The following PCDHGB3 variants were observed in gnomAD, a reference collection of about 807,000 sequenced individuals.
PCDHGB3 encodes the protein protocadherin gamma-B3.
A neutral mutation model predicts 59.2 loss-of-function variants in PCDHGB3; 40 were observed. The ratio of observed to expected loss-of-function variants is 0.68; its 90% CI spans 0.52 to 0.88. The LOEUF is 0.88. Ranked by LOEUF, PCDHGB3 falls within the 40% of genes least tolerant of loss-of-function variation. PCDHGB3 has a pLI of 0.00. For synonymous variants in PCDHGB3, 581 were observed against 503.6 expected, an observed-to-expected ratio of 1.15 and a Z score of -2.06; for missense variants, 1,309 against 1,187.9, an observed-to-expected ratio of 1.10 and a Z score of -1.50.
Position 141,486,288 on chromosome 5 carries a change from T to C in PCDHGB3, c.2416-8519T>C. 5 of 1,613,996 alleles carry C rather than the reference T, an allele frequency of 3.1e-6. No individual in the cohort carries two copies. The highest frequency in any genetic ancestry group is 4.2e-6 in the Non-Finnish European group (5 of 1,179,986). ...GAACCTGGCACTGTGGTGGCACTTA[T>C]CAGTGTGCAGGATCCAGACTCAGGG... On this transcript the variant is annotated intron_variant, in intron 1 of 3. Coordinates refer to ENST00000576222, the MANE Select transcript of PCDHGB3 (RefSeq NM_018924.5). The surrounding 1 kb of genome is among the most constrained non-coding windows in gnomAD (Gnocchi z 5.0).
At chr5:141,388,464 A>G (rs750047903) in intron 1 of PCDHGB3, 2 of 1,613,850 alleles carry the variant, frequency 1.2e-6, no homozygotes, top group South Asian at 2.2e-5. Flanking sequence ...ATACCCTGAG[A>G]TGGTATTGAA....
rs372994272 is a variant in PCDHGB3, at chr5:141,485,358, G to C, written c.2416-9449G>C. On this transcript the variant is annotated intron_variant, in intron 1 of 3. Coordinates refer to ENST00000576222, the MANE Select transcript of PCDHGB3 (RefSeq NM_018924.5). This position sits in a 1 kb window ranked among gnomAD's most constrained non-coding sequence, Gnocchi z 5.7. ...CTGGATACGGACAGTCTGTCAGCTC[G>C]CAGGCTGCAGGTCGCTGGAGAGGTG... is the stretch of plus-strand genomic sequence containing the variant. 3.1e-6 allele frequency: 5 copies of C among 1,613,982 alleles called. No homozygotes were observed. Among genetic ancestry groups the C allele is most frequent in the Non-Finnish European group, 4.2e-6 (5 of 1,180,014 alleles).
chr5:141,496,523 G>T (rs1159517569), intron 2 of PCDHGB3, among the ~76,000 whole-genome samples: 1 of 152,128 alleles, frequency 6.6e-6, no homozygotes, highest in Non-Finnish European at 1.5e-5. Context: ...GGAGCCCTTG[G>T]TGTATGGCAG....
chr5:141,446,482 CTT>C (rs112180482), intron 1 of PCDHGB3, among the ~76,000 whole-genome samples: 6 of 147,048 alleles, frequency 4.1e-5, no homozygotes, highest in East Asian at 4.0e-4. Context: ...GGTCATCATT[CTT>C]TTTTTTTTTT....
intron 1 of PCDHGB3, chr5:141,375,727 G>T (rs1771811677): frequency 6.2e-7 from 1 of 1,614,262 alleles, no homozygotes; most frequent in East Asian, 2.2e-5. Flanking sequence ...ACGTGTCACT[G>T]AGCCTGTTTG....
At chr5:141,388,923 T>G (rs374663443) in intron 1 of PCDHGB3, 2 of 1,614,002 alleles carry the variant, frequency 1.2e-6, no homozygotes, top group Admixed American at 1.7e-5. Context: ...AGAAGTGATA[T>G]TCCAGTCTCT....
At chr5:141,399,557 TG>T in intron 1 of PCDHGB3, 1 of 1,613,968 alleles carries the variant, frequency 6.2e-7, no homozygotes, top group Non-Finnish European at 8.5e-7. Context: ...GACCTGGACT[TG>T]GGGTTGAACG....
chr5:141,482,530 CA>C (rs3074545), intron 1 of PCDHGB3, among the ~76,000 whole-genome samples: 1,133 of 76,538 alleles, frequency 0.015, 6 homozygotes, highest in Admixed American at 0.025. Flanking sequence ...GACAGACATG[CA>C]AAAAAAAAAA....
chr5:141,448,955 A>G (rs929888928), intron 1 of PCDHGB3, among the ~76,000 whole-genome samples: 1 of 152,174 alleles, frequency 6.6e-6, no homozygotes. Flanking sequence ...AAAAAAACAA[A>G]CAAACAAACA....
intron 1 of PCDHGB3, chr5:141,374,714 G>C (rs1236113306): frequency 1.2e-6 from 2 of 1,609,850 alleles, no homozygotes; most frequent in South Asian, 2.2e-5. Flanking sequence ...TTACCGCCTG[G>C]TCCTTACTGC....
intron 1 of PCDHGB3, chr5:141,410,037 G>A: frequency 1.2e-6 from 2 of 1,613,250 alleles, no homozygotes; most frequent in Non-Finnish European, 1.7e-6. Flanking sequence ...CTGCAGGCCA[G>A]TGAGCCCGGA....
chr5:141,490,412 C>T lies in PCDHGB3; in HGVS notation c.2416-4395C>T, dbSNP rs2233605. 10 of 1,614,062 alleles carry T rather than the reference C, an allele frequency of 6.2e-6. No homozygotes were observed. The highest frequency in any genetic ancestry group is 4.0e-5 in the African/African-American group (3 of 74,910). Reference sequence around the variant, plus strand: ...GGTGAAGTGAGCCTTGATATCTCTCCGGACCTGCCATTTCAGATTAAGCCT... The same window carrying T: ...GGTGAAGTGAGCCTTGATATCTCTCTGGACCTGCCATTTCAGATTAAGCCT... On this transcript the variant is annotated intron_variant, in intron 1 of 3. Transcript: ENST00000576222. This position sits in a 1 kb window ranked among gnomAD's most constrained non-coding sequence, Gnocchi z 5.4.
intron 1 of PCDHGB3, among the ~76,000 whole-genome samples, chr5:141,445,132 G>T (rs921068835): frequency 2.6e-5 from 4 of 152,026 alleles, no homozygotes; most frequent in Non-Finnish European, 5.9e-5. Flanking sequence ...TTTTAAAATT[G>T]TATCTTCTAA....
intron 2 of PCDHGB3, among the ~76,000 whole-genome samples, chr5:141,502,139 C>T (rs923501238): frequency 6.6e-6 from 1 of 152,104 alleles, no homozygotes; most frequent in African/African-American, 2.4e-5. Flanking sequence ...TCAGTCGGGC[C>T]GGAAGTAAGG....
chr5:141,489,896 C>T lies in PCDHGB3; in HGVS notation c.2416-4911C>T, dbSNP rs765318875. 3 of 1,614,180 alleles carry T rather than the reference C, an allele frequency of 1.9e-6. No homozygotes were observed. The highest frequency in any genetic ancestry group is 1.3e-5 in the African/African-American group (1 of 75,066). On this transcript the variant is annotated intron_variant, in intron 1 of 3. Coordinates refer to ENST00000576222, the MANE Select transcript of PCDHGB3 (RefSeq NM_018924.5). The surrounding 1 kb of genome is among the most constrained non-coding windows in gnomAD (Gnocchi z 4.5). ...GTGCTTACTGCTGTGGATGGGGGGA[C>T]CCCAGCCCGCTCAGGGACCACCCTT...
In PCDHGB3 at chr5:141,371,541, C is replaced by G; in HGVS notation, c.1147C>G (p.Leu383Val). Residue 383 changes from leucine (L) to valine (V), a missense_variant, in exon 1 of 4, where the codon CTA (leucine) becomes GTA (valine). Transcript: ENST00000576222. ...AGATTCTGGATTTAATGGAGAAATC[C>G]TATGCCAACTAAAAGGAAACTTCCC... is the stretch of plus-strand genomic sequence containing the variant. ...DLDSGFNGEI[L>V]CQLKGNFPFK... The G allele has an allele frequency of 6.2e-7, 1 of 1,613,764 alleles. No individual in the cohort carries two copies. Among genetic ancestry groups the G allele is most frequent in the Non-Finnish European group, 8.5e-7 (1 of 1,179,746 alleles).
intron 1 of PCDHGB3, chr5:141,423,431 G>T: frequency 6.2e-7 from 1 of 1,614,010 alleles, no homozygotes; most frequent in South Asian, 1.1e-5. Context: ...GGGTTGGCAG[G>T]TATGCCCACG....
In PCDHGB3 at chr5:141,431,248, G is replaced by C. The variant is rs1213088915; in HGVS notation, c.2415+58439G>C. On this transcript the variant is annotated intron_variant, in intron 1 of 3. Coordinates refer to ENST00000576222, the MANE Select transcript of PCDHGB3 (RefSeq NM_018924.5). This position sits in a 1 kb window ranked among gnomAD's most constrained non-coding sequence, Gnocchi z 4.8. ...CCCACGCCTGGGATCCGGATATCGG[G>C]AAGAACTCTCTGCAGAGCTACGAGC... is the stretch of plus-strand genomic sequence containing the variant. 5 of 1,614,022 alleles carry C rather than the reference G, an allele frequency of 3.1e-6. No homozygotes were observed. Among genetic ancestry groups the C allele is most frequent in the Non-Finnish European group, 4.2e-6 (5 of 1,180,056 alleles).
intron 1 of PCDHGB3, chr5:141,375,270 A>T (rs1771295281): frequency 6.2e-7 from 1 of 1,613,754 alleles, no homozygotes. Flanking sequence ...GAATTGGAAA[A>T]ATCAGTTGGC....
Sources: gnomAD v4.1 joint callset for allele counts (sites outside exome capture counted in the v4.1 genomes callset) on GRCh38, gnomAD v4.1.1 for gene constraint, Gnocchi (gnomAD v3.1) non-coding constraint, MANE v1.5 for transcripts, NCBI Gene and HGNC (gene_info 2026-07-23, HGNC 2026-07-21) for gene names.